CUBN: variants seen among roughly 807,000 people sequenced by gnomAD.
CUBN encodes the protein 460 kDa receptor.
In CUBN, 282 loss-of-function variants were observed where a neutral mutation model predicts 405.3. That is an observed-to-expected ratio of 0.70 (90% CI 0.63 to 0.77). The LOEUF is 0.77. Among genes scored for constraint, CUBN ranks in the 30% least tolerant of loss-of-function variants. The pLI is 0.00. For missense variants in CUBN, 4,514 were observed against 4,475.2 expected (o/e 1.01, Z -0.25); for synonymous variants, 1,684 against 1,617.0 (o/e 1.04, Z -0.99).
intron 27 of CUBN, among the ~76,000 whole-genome samples, chr10:17,032,347 G>A (rs1243140818): frequency 2.0e-5 from 3 of 152,108 alleles, no homozygotes; most frequent in Non-Finnish European, 2.9e-5. Flanking sequence ...TAAATTCCTT[G>A]CCCAAGATCA....
At chr10:17,064,895 T>C (rs1835578672) in intron 22 of CUBN, among the ~76,000 whole-genome samples, 1 of 152,188 alleles carries the variant, frequency 6.6e-6, no homozygotes, top group Admixed American at 6.5e-5. Context: ...GAGAAATGCA[T>C]ATTTTGCCAA....
At chr10:17,018,047 C>A (rs571825086) in intron 28 of CUBN, among the ~76,000 whole-genome samples, 2 of 152,078 alleles carry the variant, frequency 1.3e-5, no homozygotes, top group Non-Finnish European at 2.9e-5. Flanking sequence ...CCCAGAAGTA[C>A]AGGAAAAGCG....
chr10:17,089,117 A>G (rs1836195043), intron 14 of CUBN, among the ~76,000 whole-genome samples: 1 of 152,250 alleles, frequency 6.6e-6, no homozygotes. Flanking sequence ...TAATACAGAC[A>G]TTAGAAATAA....
intron 28 of CUBN, among the ~76,000 whole-genome samples, chr10:17,000,777 A>T (rs898231201): frequency 4.6e-5 from 7 of 152,236 alleles, no homozygotes; most frequent in Non-Finnish European, 1.0e-4. Flanking sequence ...GTTTGGACAC[A>T]TCACTTAACT....
At position 17,068,640 on chromosome 10, in the gene CUBN, T is replaced by C. The variant is rs148869805; in HGVS notation, c.2756A>G (p.His919Arg). ...TFVKSSSTENHGFMAKFSAED... is the reference protein window; with the variant it reads ...TFVKSSSTENRGFMAKFSAED... ...AGCACTGAACTTAGCCATGAAACCA[T>C]GGTTTTCAGTAGAAGAACTTTTCAC... The change falls in exon 20 of 67, where the codon CAT (histidine) becomes CGT (arginine). Residue 919 changes from histidine (H) to arginine (R), a missense_variant. This residue lies in a region of CUBN where 1,448 missense variants were observed against 1,388.0 expected (regional missense o/e 1.04). Coordinates refer to ENST00000377833, the MANE Select transcript of CUBN (RefSeq NM_001081.4). 10,681 of 1,612,972 alleles carry C rather than the reference T, an allele frequency of 6.6e-3. 48 individuals carry two copies. The highest frequency in any genetic ancestry group is 8.2e-3 in the Non-Finnish European group (9,720 of 1,179,308).
Position 17,088,343 on chromosome 10 carries a change from A to T in CUBN, c.1768T>A (p.Cys590Ser). Reference sequence around the variant, plus strand: ...TAAGGACCAGTCAGGATACCTCCACACTCTAAAATAAGAGGGAAAAATAAT... The same window carrying T: ...TAAGGACCAGTCAGGATACCTCCACTCTCTAAAATAAGAGGGAAAAATAAT... ...TVRWETQQPE[C>S]GGILTGPYGS... The change falls in exon 15 of 67, where the codon TGT (cysteine) becomes AGT (serine). Residue 590 changes from cysteine to serine, a missense_variant and splice_region_variant. This residue lies in a region of CUBN where 1,448 missense variants were observed against 1,388.0 expected (regional missense o/e 1.04). Coordinates refer to ENST00000377833, the MANE Select transcript of CUBN (RefSeq NM_001081.4). The T allele has an allele frequency of 6.2e-7, 1 of 1,607,588 alleles. No homozygotes were observed. Among genetic ancestry groups the T allele is most frequent in the Non-Finnish European group, 8.5e-7 (1 of 1,174,158 alleles).
chr10:16,952,408 C>T lies in CUBN; in HGVS notation c.4856-19G>A. The T allele has an allele frequency of 2.2e-6, 3 of 1,347,830 alleles. No homozygotes were observed. The highest frequency in any genetic ancestry group is 3.2e-6 in the Non-Finnish European group (3 of 937,408). The allele number at this position is 1,347,830 out of a possible 1,614,324, so 83.5% of individuals were successfully genotyped here. On this transcript the variant is annotated intron_variant, in intron 32 of 66. Transcript: ENST00000377833. Reference sequence around the variant, plus strand: ...CCGCAGGCTGGGGAACACACAAACACACATACATGTCATATGCTTTTCATT... The same window carrying T: ...CCGCAGGCTGGGGAACACACAAACATACATACATGTCATATGCTTTTCATT...
intron 31 of CUBN, among the ~76,000 whole-genome samples, chr10:16,978,116 T>C (rs1220387132): frequency 6.6e-6 from 1 of 152,236 alleles, no homozygotes; most frequent in East Asian, 1.9e-4. Context: ...GAATGCAGTC[T>C]CAGTGAAGGC....
At chr10:17,127,984 T>C (rs1374815711) in intron 2 of CUBN, 60 bp from the exon 3 acceptor site, 4 of 1,162,704 alleles carry the variant, frequency 3.4e-6, no homozygotes, top group Non-Finnish European at 5.1e-6. Flanking sequence ...TATTTATCTT[T>C]ACAGTAACAT....
chr10:17,126,618 C>T (rs1837197723), intron 4 of CUBN, 143 bp downstream of exon 4: 2 of 883,312 alleles, frequency 2.3e-6, no homozygotes, highest in Non-Finnish European at 3.7e-6. Flanking sequence ...GAAGCACATG[C>T]TGGGATGAGA....
intron 60 of CUBN, among the ~76,000 whole-genome samples, chr10:16,844,270 C>T (rs780828): frequency 1.3e-4 from 18 of 143,422 alleles, no homozygotes; most frequent in Admixed American, 2.0e-4. Context: ...ACTCTGTCCC[C>T]AAAAAAAAAA....
intron 28 of CUBN, among the ~76,000 whole-genome samples, chr10:17,006,844 T>A (rs1317756613): frequency 6.6e-6 from 1 of 152,140 alleles, no homozygotes; most frequent in Non-Finnish European, 1.5e-5. Flanking sequence ...GAAGATAAAA[T>A]GGACCCAGCC....
At position 16,918,758 on chromosome 10, in the gene CUBN, C is replaced by G. The variant is rs749868712; in HGVS notation, c.6864G>C (p.Ser2288=). Residue 2288 remains serine, a synonymous_variant, in exon 45 of 67, where the codon TCG becomes TCC. Coordinates refer to ENST00000377833, the MANE Select transcript of CUBN (RefSeq NM_001081.4). ...NYLELRDGVD[S]DAPILSKFCG... is the part of the protein sequence containing the mutation. ...AAAATTTGGAAAGTATTGGTGCATCCGAATCCACTCCATCCCGCAACTCAA... is the reference window on the plus strand; with the variant it reads ...AAAATTTGGAAAGTATTGGTGCATCGGAATCCACTCCATCCCGCAACTCAA... 6.2e-7 allele frequency: 1 copy of G among 1,613,716 alleles called. No individual in the cohort carries two copies. Among genetic ancestry groups the G allele is most frequent in the Non-Finnish European group, 8.5e-7 (1 of 1,179,884 alleles).
At chr10:17,123,384 C>A in intron 5 of CUBN, 1 of 614,612 alleles carries the variant, frequency 1.6e-6, no homozygotes, top group Non-Finnish European at 3.0e-6. Context: ...TGAACCTCTC[C>A]TTTCAATGGC....
At chr10:17,054,197 G>A (rs1564496528) in intron 22 of CUBN, among the ~76,000 whole-genome samples, 2 of 151,872 alleles carry the variant, frequency 1.3e-5, no homozygotes, top group Non-Finnish European at 2.9e-5. Flanking sequence ...CAGGCATGGT[G>A]GCGAGCGCCT....
At chr10:16,826,626 G>A (rs902708253) in intron 66 of CUBN, among the ~76,000 whole-genome samples, 2 of 152,204 alleles carry the variant, frequency 1.3e-5, no homozygotes, top group East Asian at 1.9e-4. Flanking sequence ...ATAAAAAAAT[G>A]TAAAACTGGG....
chr10:17,027,513 C>A (rs1326794141), intron 27 of CUBN, among the ~76,000 whole-genome samples: 1 of 152,136 alleles, frequency 6.6e-6, no homozygotes, highest in African/African-American at 2.4e-5. Flanking sequence ...ATTTTTTAAT[C>A]TAGCTTTTTC....
rs759138799 is a variant in CUBN, at chr10:17,002,121, AAAAGAGAAACCT to A, written c.4169-11618_4169-11607del. On this transcript the variant is annotated intron_variant, in intron 28 of 66. Transcript: ENST00000377833. ...ATGGCAACATTTAAGTCAATGGTCG[AAAAGAGAAACCT>A]CTGGGGACAAAAATTCAGGTTCTAC... 9.5e-4 allele frequency among the ~76,000 whole-genome samples: 145 copies of A among 152,374 alleles called. 1 individual carries two copies. The Middle Eastern group carries it at 0.02, about 21-fold the overall frequency.
intron 48 of CUBN, among the ~76,000 whole-genome samples, chr10:16,911,375 A>G (rs1400371077): frequency 2.0e-5 from 3 of 152,180 alleles, no homozygotes; most frequent in Non-Finnish European, 4.4e-5. Flanking sequence ...GTATATAAAC[A>G]TTGCATACCC....
Sources: gnomAD v4.1 joint callset for allele counts (sites outside exome capture counted in the v4.1 genomes callset) on GRCh38, gnomAD v4.1.1 for gene constraint, gnomAD v4.1.1 regional missense constraint, MANE v1.5 for transcripts, NCBI Gene and HGNC (gene_info 2026-07-23, HGNC 2026-07-21) for gene names.